The following LTBP4 variants were observed in gnomAD, a reference collection of about 807,000 sequenced individuals.
LTBP4 encodes latent-transforming growth factor beta-binding protein 4.
Under a neutral mutation model 180.2 loss-of-function variants are expected in LTBP4, and 93 were observed. The observed-to-expected ratio is 0.52, with a 90% CI of 0.44 to 0.61. The LOEUF (loss-of-function observed/expected upper bound fraction) is 0.61, where lower values mean the gene tolerates loss of function less well. Ranked by LOEUF, LTBP4 falls within the 20% of genes least tolerant of loss-of-function variation. LTBP4 has a pLI of 0.00. For missense variants in LTBP4, 2,116 were observed against 2,256.5 expected, an observed-to-expected ratio of 0.94 and a Z score of 1.26; for synonymous variants, 947 against 934.5, an observed-to-expected ratio of 1.01 and a Z score of -0.24.
chr19:40,612,584 A>G (rs1299053190), intron 15 of LTBP4, among the ~76,000 whole-genome samples: 1 of 151,926 alleles, frequency 6.6e-6, no homozygotes, highest in African/African-American at 2.4e-5. Context: ...TATCTCTTTC[A>G]CAGCCCCTGC....
chr19:40,620,234 A>T (rs1310231131), intron 22 of LTBP4, among the ~76,000 whole-genome samples: 1 of 134,952 alleles, frequency 7.4e-6, no homozygotes, highest in Non-Finnish European at 1.6e-5. Flanking sequence ...TTTTTTTGAA[A>T]ATTTTTTTTA....
chr19:40,599,674 T>C (rs2081410324), upstream of LTBP4: 5 of 982,506 alleles, frequency 5.1e-6, no homozygotes, highest in Non-Finnish European at 7.6e-6. Flanking sequence ...CCCCGGCTCT[T>C]TCTTTTGCTA....
chr19:40,627,756 T>G lies in LTBP4; in HGVS notation c.4418T>G (p.Leu1473Arg), dbSNP rs778437139. 1 of 1,594,478 alleles carries G rather than the reference T, an allele frequency of 6.3e-7. No homozygotes were observed. The highest frequency in any genetic ancestry group is 8.5e-7 in the Non-Finnish European group (1 of 1,172,512). ...EELEAEECGI[L>R]DGCTNGRCVR... The stretch of plus-strand genomic sequence containing the variant: ...CTGGAGGCGGAGGAGTGCGGGATCC[T>G]GGACGGCTGCACCAACGGCCGCTGC... The change falls in exon 29 of 30, where the codon CTG (leucine) becomes CGG (arginine). Residue 1473 changes from leucine to arginine, a missense_variant. This residue lies in a region of LTBP4 where 488 missense variants were observed against 458.8 expected (regional missense o/e 1.06). Coordinates refer to ENST00000396819, the MANE Select transcript of LTBP4 (RefSeq NM_001042545.2).
Position 40,625,281 on chromosome 19 carries a change from TATATATATATA to T in LTBP4, c.3833-575_3833-565del, listed in dbSNP as rs2081619895. ...ATATATATATATATATATATATATA[TATATATATATA>T]TATATATATATATATATATATATAT... is the stretch of plus-strand genomic sequence containing the variant. On this transcript the variant is annotated intron_variant, in intron 26 of 29. Coordinates refer to ENST00000396819, the MANE Select transcript of LTBP4 (RefSeq NM_001042545.2). Among the ~76,000 whole-genome samples, 31 of 9,804 alleles carry T rather than the reference TATATATATATA, an allele frequency of 3.2e-3. 3 individuals carry two copies. Among genetic ancestry groups the T allele is most frequent in the Middle Eastern group, 0.028 (1 of 36 alleles). The allele number at this position is 9,804 out of a possible 152,430, so 6.4% of individuals were successfully genotyped here.
At chr19:40,623,874 A>T in intron 25 of LTBP4, 62 bp from the exon 26 acceptor site, 1 of 1,603,632 alleles carries the variant, frequency 6.2e-7, no homozygotes, top group Admixed American at 1.7e-5. Context: ...ATGTGCTGGG[A>T]AGAGAAATGG....
upstream of LTBP4, among the ~76,000 whole-genome samples, chr19:40,598,192 A>G (rs1052229636): frequency 1.4e-5 from 2 of 142,610 alleles, no homozygotes; most frequent in Non-Finnish European, 3.0e-5. Flanking sequence ...GGTCTCTGCG[A>G]ATGCGTTTAG....
In LTBP4 at chr19:40,605,620, G is replaced by T. The variant is rs769600542; in HGVS notation, c.658G>T (p.Gly220Cys). Residue 220 changes from glycine (G) to cysteine (C), a missense_variant, in exon 3 of 30, where the codon GGT becomes TGT. This residue lies in a region of LTBP4 where 469 missense variants were observed against 532.5 expected (regional missense o/e 0.88). Coordinates refer to ENST00000396819, the MANE Select transcript of LTBP4 (RefSeq NM_001042545.2). This position sits in a 1 kb window ranked among gnomAD's most constrained non-coding sequence, Gnocchi z 5.5. ...EDGYSDASGF[G>C]YCFRELRGGE... ...CGGCTACTCAGATGCCTCGGGCTTC[G>T]GTTACTGCTTTCGGGAGCTGCGCGG... 1 of 1,592,494 alleles carries T rather than the reference G, an allele frequency of 6.3e-7. No homozygotes were observed. Among genetic ancestry groups the T allele is most frequent in the South Asian group, 1.1e-5 (1 of 88,926 alleles).
Position 40,629,415 on chromosome 19 carries a change from G to A in LTBP4, c.4539G>A (p.Glu1513=), listed in dbSNP as rs762173633. The A allele has an allele frequency of 9.9e-6, 16 of 1,612,814 alleles. No homozygotes were observed. The South Asian group carries it at 1.3e-4, about 13-fold the overall frequency. ...MACVDINECD[E]AEAASPLCVN... ...CCGCAGACATCAACGAGTGTGATGA[G>A]GCCGAGGCTGCCTCCCCGCTGTGCG... Residue 1513 remains glutamate (E), a synonymous_variant, in exon 30 of 30, where the codon GAG becomes GAA. Transcript: ENST00000396819. The surrounding 1 kb of genome is among the most constrained non-coding windows in gnomAD (Gnocchi z 4.5).
chr19:40,616,915 C>T lies in LTBP4; in HGVS notation c.2839C>T (p.Pro947Ser). 3.1e-6 allele frequency: 5 copies of T among 1,613,974 alleles called. No homozygotes were observed. Among genetic ancestry groups the T allele is most frequent in the Non-Finnish European group, 4.2e-6 (5 of 1,179,892 alleles). ...DDVDECQEYG[P>S]EICGAQRCEN... ...TGTGGATGAGTGCCAAGAATATGGT[C>T]CCGAGATTTGTGGAGCCCAGCGTTG... is the stretch of plus-strand genomic sequence containing the variant. Residue 947 changes from proline to serine, a missense_variant, in exon 20 of 30, where the codon CCC becomes TCC. Pro to Ser is a moderately conservative substitution (Grantham distance 74, BLOSUM62 -1). This residue lies in a region of LTBP4 where 877 missense variants were observed against 873.6 expected (regional missense o/e 1.00). Transcript: ENST00000396819.
At chr19:40,616,602 G>A (rs1019553488) in intron 19 of LTBP4, among the ~76,000 whole-genome samples, 1 of 152,180 alleles carries the variant, frequency 6.6e-6, no homozygotes, top group Non-Finnish European at 1.5e-5. Context: ...GCATGATGGT[G>A]CATGCCTGTA....
Position 40,609,658 on chromosome 19 carries a change from A to G in LTBP4, c.1555A>G (p.Ile519Val). Residue 519 changes from isoleucine (I) to valine (V), a missense_variant, in exon 10 of 30, where the codon ATT becomes GTT. Coordinates refer to ENST00000396819, the MANE Select transcript of LTBP4 (RefSeq NM_001042545.2). The surrounding 1 kb of genome is among the most constrained non-coding windows in gnomAD (Gnocchi z 4.9). Reference protein sequence around the residue: ...FRLSPQGTRCIDVDECRRVPP... With the variant: ...FRLSPQGTRCVDVDECRRVPP... ...GCTCAGCCCCCAGGGCACCCGATGC[A>G]TTGGTGAGCAAGACGGAGGGCGCGG... The G allele has an allele frequency of 6.2e-7, 1 of 1,613,096 alleles. No homozygotes were observed. Among genetic ancestry groups the G allele is most frequent in the Non-Finnish European group, 8.5e-7 (1 of 1,179,684 alleles).
In LTBP4 at chr19:40,601,601, G is replaced by A. The variant is rs906908602; in HGVS notation, c.214G>A (p.Gly72Ser). The change falls in exon 1 of 30, where the codon GGC becomes AGC. Residue 72 changes from glycine (G) to serine (S), a missense_variant. Coordinates refer to ENST00000396819, the MANE Select transcript of LTBP4 (RefSeq NM_001042545.2). ...CACCAGCGTGGACAGCGGCGCTCCC[G>A]GCGGGGCGGCCCCGGGGGGACCCGG... The part of the protein sequence containing the change: ...NATSVDSGAP[G>S]GAAPGGPGFR... 2.2e-5 allele frequency: 31 copies of A among 1,404,122 alleles called. No individual in the cohort carries two copies. Among genetic ancestry groups the A allele is most frequent in the Non-Finnish European group, 2.8e-5 (30 of 1,086,980 alleles). 87.0% of individuals were successfully genotyped at this position (1,404,122 alleles called of 1,614,324 possible).
At chr19:40,604,425 G>A (rs2081444363) in intron 1 of LTBP4, among the ~76,000 whole-genome samples, 2 of 152,148 alleles carry the variant, frequency 1.3e-5, no homozygotes, top group African/African-American at 4.8e-5. Flanking sequence ...GCATTGGGTC[G>A]GAGGGGCTGG....
In LTBP4 at chr19:40,627,011, C is replaced by G. The variant is rs886054449; in HGVS notation, c.4022C>G (p.Pro1341Arg). The G allele has an allele frequency of 6.3e-7, 1 of 1,594,444 alleles. No homozygotes were observed. Among genetic ancestry groups the G allele is most frequent in the African/African-American group, 1.3e-5 (1 of 74,682 alleles). ...GCCCTGTGCAATGTGCTACGCCCCCCCGCATATAGCCCCCCGCGACCAGGT... is the reference window on the plus strand; with the variant it reads ...GCCCTGTGCAATGTGCTACGCCCCCGCGCATATAGCCCCCCGCGACCAGGT... ...FEALCNVLRP[P>R]AYSPPRPGGF... The change falls in exon 28 of 30, where the codon CCC (proline) becomes CGC (arginine). Residue 1341 changes from proline (P) to arginine (R), a missense_variant. Pro to Arg is a moderately radical substitution (Grantham distance 103, BLOSUM62 -2). Around this residue, in one of 5 missense-constraint regions of LTBP4, gnomAD observed 488 missense variants for 458.8 expected, o/e 1.06. Transcript: ENST00000396819.
rs116175047 is a variant in LTBP4, at chr19:40,618,586, G to A, written c.3071-761G>A. ...TGTAGAGATGAGTTATTGCTCTGTT[G>A]CCCAGACTGGTCTCAAACTCCTGGC... On this transcript the variant is annotated intron_variant, in intron 21 of 29. Transcript: ENST00000396819. Among the ~76,000 whole-genome samples, 649 of 152,196 alleles carry A rather than the reference G, an allele frequency of 4.3e-3. 2 individuals carry two copies. Among genetic ancestry groups the A allele is most frequent in the African/African-American group, 0.015 (635 of 41,528 alleles).
chr19:40,616,024 G>A (rs980849709), intron 19 of LTBP4, among the ~76,000 whole-genome samples: 1 of 152,208 alleles, frequency 6.6e-6, no homozygotes, highest in African/African-American at 2.4e-5. Flanking sequence ...AGAAGCGAGG[G>A]AGGCAGCCAT....
chr19:40,601,695 G>A (rs868343735), intron 1 of LTBP4, 58 bp downstream of exon 1: 3 of 1,218,644 alleles, frequency 2.5e-6, no homozygotes, highest in Non-Finnish European at 3.2e-6. Flanking sequence ...GGATCCCTGG[G>A]GATGGAGGAG....
Position 40,614,304 on chromosome 19 carries a change from TCTCTC to T in LTBP4, c.2681-7_2681-3del, listed in dbSNP as rs1568408607. ...GCTTCCCACATCCGACCACCCGACC[TCTCTC>T]CTCAGACGTGGACGAATGTCGCGAG... On this transcript the variant is annotated splice_region_variant and splice_polypyrimidine_tract_variant and intron_variant, in intron 18 of 29. Coordinates refer to ENST00000396819, the MANE Select transcript of LTBP4 (RefSeq NM_001042545.2). 1 of 1,593,062 alleles carries T rather than the reference TCTCTC, an allele frequency of 6.3e-7. No homozygotes were observed. The highest frequency in any genetic ancestry group is 1.7e-5 in the Admixed American group (1 of 59,826).
intron 28 of LTBP4, 143 bp from the exon 29 acceptor site, chr19:40,627,562 T>C: frequency 7.8e-7 from 1 of 1,276,474 alleles, no homozygotes; most frequent in Non-Finnish European, 1.1e-6. Context: ...GTAAGCTTAC[T>C]GGCCCCGCAG....
Sources: gnomAD v4.1 joint callset for allele counts (sites outside exome capture counted in the v4.1 genomes callset) on GRCh38, gnomAD v4.1.1 for gene constraint, gnomAD v4.1.1 regional missense constraint, Gnocchi (gnomAD v3.1) non-coding constraint, MANE v1.5 for transcripts, NCBI Gene and HGNC (gene_info 2026-07-23, HGNC 2026-07-21) for gene names.